The following CACNA2D3 variants were observed in gnomAD, a reference collection of about 807,000 sequenced individuals.
CACNA2D3 encodes voltage-dependent calcium channel subunit alpha-2/delta-3.
In CACNA2D3, 60 loss-of-function variants were observed where a neutral mutation model predicts 160.6. The ratio of observed to expected loss-of-function variants is 0.37; its 90% CI spans 0.30 to 0.46. The LOEUF is 0.46. CACNA2D3 is among the 20% of genes least tolerant of loss of function. The pLI is 1.00. For synonymous variants in CACNA2D3, 558 were observed against 492.9 expected (o/e 1.13, Z -1.75); for missense variants, 1,205 against 1,365.0 (o/e 0.88, Z 1.85).
intron 14 of CACNA2D3, among the ~76,000 whole-genome samples, chr3:54,827,650 C>T (rs74514966): frequency 1.3e-5 from 2 of 152,142 alleles, no homozygotes; most frequent in African/African-American, 4.8e-5. Context: ...AGGCAAAATA[C>T]ACAAAGATAT....
chr3:54,746,133 G>A (rs934920317), intron 11 of CACNA2D3, among the ~76,000 whole-genome samples: 1 of 152,046 alleles, frequency 6.6e-6, no homozygotes, highest in African/African-American at 2.4e-5. Context: ...AACCTTCTTT[G>A]AGCCCATCTC....
At chr3:54,653,832 C>T (rs993708309) in intron 11 of CACNA2D3, among the ~76,000 whole-genome samples, 9 of 152,122 alleles carry the variant, frequency 5.9e-5, no homozygotes, top group Non-Finnish European at 8.8e-5. Context: ...CCAGGTGCTG[C>T]GGACCTCAGA....
chr3:54,750,733 G>A (rs532730630), intron 11 of CACNA2D3, among the ~76,000 whole-genome samples: 3 of 151,886 alleles, frequency 2.0e-5, no homozygotes, highest in African/African-American at 4.8e-5. Context: ...ATGAAGGAGG[G>A]TCAGTGGTAA....
intron 2 of CACNA2D3, among the ~76,000 whole-genome samples, chr3:54,289,871 C>A (rs1198458988): frequency 6.6e-6 from 1 of 152,090 alleles, no homozygotes; most frequent in African/African-American, 2.4e-5. Flanking sequence ...AAAGCTGAAA[C>A]TGGATCCCTT....
chr3:54,518,564 G>A (rs1253623123), intron 5 of CACNA2D3, among the ~76,000 whole-genome samples: 5 of 152,186 alleles, frequency 3.3e-5, no homozygotes, highest in South Asian at 2.1e-4. Context: ...TCAGCCACCC[G>A]ACTCATTGTT....
intron 11 of CACNA2D3, among the ~76,000 whole-genome samples, chr3:54,748,373 G>T (rs116628963): frequency 0.012 from 1,880 of 152,202 alleles, 36 homozygotes; most frequent in African/African-American, 0.043. Context: ...AGCATAATCG[G>T]TTTTTTGAAA....
chr3:54,544,976 A>G (rs778010023), intron 5 of CACNA2D3, among the ~76,000 whole-genome samples: 5 of 152,238 alleles, frequency 3.3e-5, no homozygotes, highest in Non-Finnish European at 7.3e-5. Flanking sequence ...TACTAGCTGC[A>G]TAGATAGCAT....
chr3:54,218,402 A>G (rs533366641), intron 2 of CACNA2D3, among the ~76,000 whole-genome samples: 4 of 152,218 alleles, frequency 2.6e-5, no homozygotes, highest in Non-Finnish European at 5.9e-5. Flanking sequence ...AGCCTGAAAA[A>G]AATATGATTT....
intron 29 of CACNA2D3, among the ~76,000 whole-genome samples, chr3:54,979,079 T>G (rs1478703574): frequency 6.6e-6 from 1 of 152,240 alleles, no homozygotes; most frequent in African/African-American, 2.4e-5. Context: ...ATAAGACTTT[T>G]TTTTAAAGCC....
intron 29 of CACNA2D3, among the ~76,000 whole-genome samples, chr3:54,980,159 T>A (rs1413313465): frequency 1.3e-5 from 2 of 152,210 alleles, no homozygotes; most frequent in Admixed American, 6.5e-5. Flanking sequence ...TAATGTTAAA[T>A]CCAATTCTTA....
intron 2 of CACNA2D3, among the ~76,000 whole-genome samples, chr3:54,167,795 T>A (rs911740290): frequency 4.6e-5 from 7 of 152,220 alleles, no homozygotes; most frequent in African/African-American, 1.7e-4. Context: ...GTGACTGTTG[T>A]AGGAGGCTTT....
chr3:55,057,639 G>A (rs944076427), intron 35 of CACNA2D3, among the ~76,000 whole-genome samples: 3 of 152,056 alleles, frequency 2.0e-5, no homozygotes, highest in Non-Finnish European at 4.4e-5. Flanking sequence ...GAAGAGGGAA[G>A]GAACAAAACA....
rs182925463 is a variant in CACNA2D3 at position 54,952,660 on chromosome 3, A to C, written c.2450-15790A>C. On this transcript the variant is annotated intron_variant, in intron 27 of 37. Transcript: ENST00000474759. ...TATTTTCTGCTTCTATTCTGAAGTC[A>C]GAAAGATCTGGTGTTCATGGGTTCA... 8.7e-4 allele frequency among the ~76,000 whole-genome samples: 133 copies of C among 152,292 alleles called. 1 individual carries two copies. Among genetic ancestry groups the C allele is most frequent in the Non-Finnish European group, 1.3e-3 (86 of 68,032 alleles).
At chr3:54,528,671 A>G (rs1701761949) in intron 5 of CACNA2D3, among the ~76,000 whole-genome samples, 1 of 152,146 alleles carries the variant, frequency 6.6e-6, no homozygotes, top group African/African-American at 2.4e-5. Context: ...TTTATGCCAG[A>G]TACGTGTGAA....
At chr3:54,821,634 GTCTTTCGTTCTTTCTTTCTT>G (rs1468318021) in intron 14 of CACNA2D3, among the ~76,000 whole-genome samples, 8 of 140,514 alleles carry the variant, frequency 5.7e-5, no homozygotes, top group East Asian at 2.1e-4. Flanking sequence ...TTTTTCTAGA[GTCTTTCGTTCTTTCTTTCTT>G]TCTTTCTTTC....
intron 35 of CACNA2D3, among the ~76,000 whole-genome samples, chr3:55,021,615 A>ATATATG (rs1491159951): frequency 9.0e-6 from 1 of 111,280 alleles, no homozygotes; most frequent in African/African-American, 4.1e-5. Flanking sequence ...ATATATATAT[A>ATATATG]TGTGTGTGTG....
chr3:54,837,033 C>T, intron 14 of CACNA2D3, 126 bp from the exon 15 acceptor site: 1 of 774,674 alleles, frequency 1.3e-6, no homozygotes, highest in Non-Finnish European at 2.3e-6. Context: ...CCACTAAAGG[C>T]TTGAGTGGGC....
chr3:54,303,819 T>TTTTTTGTTTG (rs1553788124), intron 2 of CACNA2D3, among the ~76,000 whole-genome samples: 2 of 15,710 alleles, frequency 1.3e-4, no homozygotes, highest in African/African-American at 3.1e-4. Context: ...TTTTTTTCTG[T>TTTTTTGTTTG]TTTTTTTTTT....
intron 2 of CACNA2D3, among the ~76,000 whole-genome samples, chr3:54,203,153 C>CTACTG (rs1330791143): frequency 6.6e-6 from 1 of 152,198 alleles, no homozygotes; most frequent in Non-Finnish European, 1.5e-5. Flanking sequence ...AATCAGTGGA[C>CTACTG]TCAGTAAAGT....
Sources: gnomAD v4.1 joint callset for allele counts (sites outside exome capture counted in the v4.1 genomes callset) on GRCh38, gnomAD v4.1.1 for gene constraint, MANE v1.5 for transcripts, NCBI Gene and HGNC (gene_info 2026-07-23, HGNC 2026-07-21) for gene names.